The following STAU2 variants were observed in gnomAD, a reference collection of about 807,000 sequenced individuals.
STAU2 encodes the protein staufen double-stranded RNA binding protein 2, also known as double-stranded RNA-binding protein Staufen homolog 2.
A neutral mutation model predicts 65.9 loss-of-function variants in STAU2; 20 were observed. The ratio of observed to expected loss-of-function variants is 0.30; its 90% CI spans 0.21 to 0.44. The LOEUF (loss-of-function observed/expected upper bound fraction) is 0.44, where lower values mean the gene tolerates loss of function less well. Among genes scored for constraint, STAU2 ranks in the 20% least tolerant of loss-of-function variants. The pLI is 1.00. For synonymous variants in STAU2, 232 were observed against 233.9 expected (o/e 0.99, Z 0.07); for missense variants, 558 against 683.9 (o/e 0.82, Z 2.05).
chr8:73,630,369 G>A (rs1814000691), intron 6 of STAU2, among the ~76,000 whole-genome samples: 2 of 152,176 alleles, frequency 1.3e-5, no homozygotes, highest in Admixed American at 1.3e-4. Context: ...AACAAATAAG[G>A]GAGATGATAT....
At chr8:73,592,054 C>T (rs1810858475) in intron 11 of STAU2, among the ~76,000 whole-genome samples, 1 of 151,216 alleles carries the variant, frequency 6.6e-6, no homozygotes, top group Non-Finnish European at 1.5e-5. Flanking sequence ...GCTTCTACCT[C>T]ACAAAATTAG....
intron 6 of STAU2, among the ~76,000 whole-genome samples, chr8:73,638,771 C>T (rs1047191568): frequency 2.0e-5 from 3 of 151,584 alleles, no homozygotes; most frequent in Admixed American, 1.3e-4. Flanking sequence ...TAAGAAGATG[C>T]CACAATATAT....
At position 73,709,067 on chromosome 8, in the gene STAU2, T is replaced by C; in HGVS notation, c.79A>G (p.Lys27Glu). The change falls in exon 4 of 15, where the codon AAA becomes GAA. Residue 27 changes from lysine (K) to glutamate (E), a missense_variant. Around this residue, in one of 3 missense-constraint regions of STAU2, gnomAD observed 112 missense variants for 114.2 expected, o/e 0.98. Transcript: ENST00000524300. ...GCAGGCCCTCTTTCATTCAGAAGTT[T>C]ATACTGGGGTTGGACTCTATTGAAA... Reference protein sequence around the residue: ...ARFNRVQPQYKLLNERGPAHS... With the variant: ...ARFNRVQPQYELLNERGPAHS... 6.5e-7 allele frequency: 1 copy of C among 1,531,624 alleles called. No homozygotes were observed. The highest frequency in any genetic ancestry group is 8.7e-7 in the Non-Finnish European group (1 of 1,144,272). 94.9% of individuals were successfully genotyped at this position (1,531,624 alleles called of 1,614,324 possible).
intron 13 of STAU2, among the ~76,000 whole-genome samples, chr8:73,449,913 ACC>A (rs1818710011): frequency 6.6e-6 from 1 of 152,208 alleles, no homozygotes; most frequent in Non-Finnish European, 1.5e-5. Flanking sequence ...CCCGTTGGGC[ACC>A]TTCTGCAGAC....
intron 13 of STAU2, among the ~76,000 whole-genome samples, chr8:73,514,226 T>C (rs1285134362): frequency 3.3e-5 from 5 of 152,194 alleles, no homozygotes; most frequent in African/African-American, 1.2e-4. Context: ...CTGCTTTCCT[T>C]GCCATTTTCA....
intron 13 of STAU2, among the ~76,000 whole-genome samples, chr8:73,482,991 A>C (rs1820716061): frequency 5.9e-5 from 9 of 152,094 alleles, no homozygotes; most frequent in Admixed American, 5.9e-4. Context: ...TCAGAACCAA[A>C]AATAATATTT....
chr8:73,631,846 A>G (rs946088344), intron 6 of STAU2, among the ~76,000 whole-genome samples: 1 of 152,206 alleles, frequency 6.6e-6, no homozygotes, highest in Non-Finnish European at 1.5e-5. Context: ...CATGATGAGA[A>G]TAATACCTGA....
chr8:73,585,123 A>G (rs1429990951), intron 11 of STAU2, among the ~76,000 whole-genome samples: 2 of 152,114 alleles, frequency 1.3e-5, no homozygotes, highest in East Asian at 3.9e-4. Flanking sequence ...AATAAGTGGA[A>G]TTAATAAAAT....
intron 13 of STAU2, among the ~76,000 whole-genome samples, chr8:73,452,504 CT>C (rs1365888367): frequency 1.3e-5 from 2 of 152,164 alleles, no homozygotes; most frequent in Non-Finnish European, 1.5e-5. Flanking sequence ...CCATTTCCCC[CT>C]GTAACAATAT....
chr8:73,568,230 T>G (rs1255831762), intron 12 of STAU2, among the ~76,000 whole-genome samples: 2 of 152,228 alleles, frequency 1.3e-5, no homozygotes, highest in Non-Finnish European at 2.9e-5. Flanking sequence ...GCAAGAAGAT[T>G]ACAGACCAAG....
intron 13 of STAU2, among the ~76,000 whole-genome samples, chr8:73,534,128 A>G (rs1232109400): frequency 1.3e-5 from 2 of 152,232 alleles, no homozygotes; most frequent in African/African-American, 4.8e-5. Flanking sequence ...CCTCAGATCC[A>G]TTAACTGTGG....
At chr8:73,662,557 GATTT>G (rs1252634114) in intron 6 of STAU2, among the ~76,000 whole-genome samples, 10 of 152,060 alleles carry the variant, frequency 6.6e-5, no homozygotes, top group Middle Eastern at 6.8e-3. Flanking sequence ...ACCCATTTCT[GATTT>G]ATTTTTGTCT....
chr8:73,455,922 T>C (rs1426647083), intron 13 of STAU2, among the ~76,000 whole-genome samples: 1 of 152,146 alleles, frequency 6.6e-6, no homozygotes, highest in Non-Finnish European at 1.5e-5. Flanking sequence ...GACGGACGGA[T>C]GGATGAGAAG....
intron 6 of STAU2, among the ~76,000 whole-genome samples, chr8:73,639,517 T>C (rs1586173135): frequency 6.6e-6 from 1 of 152,078 alleles, no homozygotes; most frequent in South Asian, 2.1e-4. Flanking sequence ...ATAGTACTAA[T>C]AGTAAGGTGC....
At position 73,608,846 on chromosome 8, in the gene STAU2, C is replaced by T. The variant is rs185612308; in HGVS notation, c.891+4898G>A. On this transcript the variant is annotated intron_variant, in intron 9 of 14. Coordinates refer to ENST00000524300, the MANE Select transcript of STAU2 (RefSeq NM_001164380.2). ...CTCTACTAAAAATACAAAAATTAGTCGGGCATGGTGGTGGGCACCTGTAAT... is the reference window on the plus strand; with the variant it reads ...CTCTACTAAAAATACAAAAATTAGTTGGGCATGGTGGTGGGCACCTGTAAT... 5.1e-3 allele frequency among the ~76,000 whole-genome samples: 779 copies of T among 151,730 alleles called. 12 individuals are homozygous for T. Among genetic ancestry groups the T allele is most frequent in the African/African-American group, 0.018 (742 of 41,358 alleles).
chr8:73,667,827 T>C (rs1231932678), intron 6 of STAU2, among the ~76,000 whole-genome samples: 1 of 152,172 alleles, frequency 6.6e-6, no homozygotes. Context: ...GTTTTGCAAA[T>C]GAGGAAATTA....
intron 13 of STAU2, 123 bp downstream of exon 13, chr8:73,551,889 A>C: frequency 7.4e-7 from 1 of 1,353,866 alleles, no homozygotes; most frequent in East Asian, 2.5e-5. Context: ...TTCCTAAATA[A>C]CTTAAAACGT....
At chr8:73,603,705 G>C (rs773634021) in intron 10 of STAU2, 21 bp downstream of exon 10, 2 of 1,605,424 alleles carry the variant, frequency 1.2e-6, no homozygotes, top group East Asian at 2.2e-5. Context: ...CTTTTCAATA[G>C]TTTTAAAAGG....
intron 12 of STAU2, among the ~76,000 whole-genome samples, chr8:73,565,689 A>G (rs1344310134): frequency 6.6e-6 from 1 of 152,156 alleles, no homozygotes; most frequent in African/African-American, 2.4e-5. Context: ...TTCACCCCAC[A>G]TTGAGTAAAC....
Sources: gnomAD v4.1 joint callset for allele counts (sites outside exome capture counted in the v4.1 genomes callset) on GRCh38, gnomAD v4.1.1 for gene constraint, gnomAD v4.1.1 regional missense constraint, MANE v1.5 for transcripts, NCBI Gene and HGNC (gene_info 2026-07-23, HGNC 2026-07-21) for gene names.